MSI2: variants seen among roughly 807,000 people sequenced by gnomAD.
The protein encoded by MSI2 is RNA-binding protein Musashi homolog 2.
MSI2 carries 17 observed loss-of-function variants against 45.6 expected under a neutral mutation model. The ratio of observed to expected loss-of-function variants is 0.37; its 90% CI spans 0.26 to 0.56. The LOEUF (loss-of-function observed/expected upper bound fraction) is 0.56. Ranked by LOEUF, MSI2 falls within the 20% of genes least tolerant of loss-of-function variation. The probability of loss-of-function intolerance (pLI) is 0.77; values close to 1 mark genes in which losing one functional copy is unlikely to be tolerated. For synonymous variants in MSI2, 156 were observed against 158.2 expected (o/e 0.99, Z 0.11); for missense variants, 293 against 444.2 (o/e 0.66, Z 3.06).
intron 8 of MSI2, among the ~76,000 whole-genome samples, chr17:57,609,461 G>A (rs191620529): frequency 5.9e-5 from 9 of 152,296 alleles, no homozygotes; most frequent in African/African-American, 2.2e-4. Context: ...TCTCAGACAC[G>A]ACCTGTTTGG....
At position 57,681,591 on chromosome 17, in the gene MSI2, C is replaced by A. The variant is rs1259855448; in HGVS notation, c.*2074C>A. On this transcript the variant is annotated 3_prime_UTR_variant, in exon 14 of 14. Coordinates refer to ENST00000284073, the MANE Select transcript of MSI2 (RefSeq NM_138962.4). ...TGCTAACTCAGAAAGAAAGAAAAAACCCGTTTTCAATTCTAATGAAACAGC... is the reference window on the plus strand; with the variant it reads ...TGCTAACTCAGAAAGAAAGAAAAAAACCGTTTTCAATTCTAATGAAACAGC... 5.4e-6 allele frequency: 1 copy of A among 183,778 alleles called. No homozygotes were observed. Among genetic ancestry groups the A allele is most frequent in the Non-Finnish European group, 1.2e-5 (1 of 86,852 alleles). 11.4% of individuals were successfully genotyped at this position (183,778 alleles called of 1,614,324 possible).
At chr17:57,477,422 G>T (rs1950206146) in intron 6 of MSI2, among the ~76,000 whole-genome samples, 1 of 152,092 alleles carries the variant, frequency 6.6e-6, no homozygotes, top group South Asian at 2.1e-4. Flanking sequence ...TCCTTTTGAC[G>T]CCCTGCGCTG....
intron 6 of MSI2, among the ~76,000 whole-genome samples, chr17:57,527,443 G>A (rs960601035): frequency 1.4e-5 from 2 of 141,018 alleles, no homozygotes; most frequent in Non-Finnish European, 3.1e-5. Flanking sequence ...TGTTGTGTGT[G>A]TGGCCCCAGC....
chr17:57,390,300 C>T (rs569649549), intron 5 of MSI2, among the ~76,000 whole-genome samples: 108 of 152,098 alleles, frequency 7.1e-4, no homozygotes, highest in Admixed American at 3.7e-3. Flanking sequence ...CCATTTTTCC[C>T]GTTAGATGGC....
intron 6 of MSI2, among the ~76,000 whole-genome samples, chr17:57,524,602 T>A (rs985277857): frequency 2.0e-5 from 3 of 152,270 alleles, no homozygotes; most frequent in African/African-American, 7.2e-5. Flanking sequence ...TATGTCATCC[T>A]AGTAGAATCT....
chr17:57,583,789 A>T (rs1183316309), intron 7 of MSI2, among the ~76,000 whole-genome samples: 1 of 151,976 alleles, frequency 6.6e-6, no homozygotes, highest in Non-Finnish European at 1.5e-5. Context: ...AAGTTTCTTA[A>T]CCCTAACTGA....
At chr17:57,380,082 G>A (rs552639217) in intron 5 of MSI2, among the ~76,000 whole-genome samples, 5 of 152,294 alleles carry the variant, frequency 3.3e-5, no homozygotes, top group African/African-American at 1.2e-4. Flanking sequence ...CAGAGGTGCC[G>A]TGCTAGGGGG....
chr17:57,686,661 A>G (rs969277979), downstream of MSI2, among the ~76,000 whole-genome samples: 2 of 152,208 alleles, frequency 1.3e-5, no homozygotes, highest in Non-Finnish European at 2.9e-5. Context: ...CTCCACAGCA[A>G]TATTATGTCA....
chr17:57,612,554 CT>C lies in MSI2; in HGVS notation c.538-3414del, dbSNP rs1235979840. Among the ~76,000 whole-genome samples, 4 of 152,138 alleles carry C rather than the reference CT, an allele frequency of 2.6e-5. 1 individual carries two copies. The highest frequency in any genetic ancestry group is 2.1e-4 in the South Asian group (1 of 4,808). ...GAGTGTATGCGCCATGGCCCCTGGC[CT>C]TGGGGAACACTCACCGTTGACCCAG... On this transcript the variant is annotated intron_variant, in intron 8 of 13. Coordinates refer to ENST00000284073, the MANE Select transcript of MSI2 (RefSeq NM_138962.4).
At chr17:57,654,311 A>G (rs1029592732) in intron 11 of MSI2, among the ~76,000 whole-genome samples, 2 of 152,132 alleles carry the variant, frequency 1.3e-5, no homozygotes, top group Non-Finnish European at 2.9e-5. Context: ...TAGCCAGGCT[A>G]CCCTAGTTCC....
intron 6 of MSI2, among the ~76,000 whole-genome samples, chr17:57,421,316 C>T (rs767019065): frequency 2.6e-5 from 4 of 152,160 alleles, no homozygotes; most frequent in Admixed American, 6.5e-5. Context: ...ATTACTTTGA[C>T]GGAGTATCTC....
rs760374343 is a variant in MSI2 at position 57,257,470 on chromosome 17, C to T, written c.108C>T (p.Ser36=). 4 of 1,471,708 alleles carry T rather than the reference C, an allele frequency of 2.7e-6. No homozygotes were observed. In the East Asian group the frequency reaches 9.1e-5, roughly 34 times the overall value. 91.2% of individuals were successfully genotyped at this position (1,471,708 alleles called of 1,614,324 possible). ...TCTCTCTTTCTCTCTCTACAGATAGCCTTAGAGACTATTTTAGCAAATTTG... is the reference window on the plus strand; with the variant it reads ...TCTCTCTTTCTCTCTCTACAGATAGTCTTAGAGACTATTTTAGCAAATTTG... ...GGLSWQTSPD[S]LRDYFSKFGE... is the part of the protein sequence containing the mutation. Residue 36 remains serine, a synonymous_variant, in exon 3 of 14, where the codon AGC becomes AGT. Coordinates refer to ENST00000284073, the MANE Select transcript of MSI2 (RefSeq NM_138962.4).
chr17:57,486,049 C>T (rs1355382834), intron 6 of MSI2, among the ~76,000 whole-genome samples: 1 of 152,222 alleles, frequency 6.6e-6, no homozygotes, highest in East Asian at 1.9e-4. Flanking sequence ...CCCTCAGTCA[C>T]CTCCCAAGGA....
chr17:57,598,283 G>T (rs73994444), intron 8 of MSI2, among the ~76,000 whole-genome samples: 3 of 152,050 alleles, frequency 2.0e-5, no homozygotes, highest in Non-Finnish European at 4.4e-5. Context: ...TAAAACATGC[G>T]TTCAGACATG....
intron 6 of MSI2, among the ~76,000 whole-genome samples, chr17:57,528,698 C>A (rs1262837687): frequency 6.6e-6 from 1 of 152,142 alleles, no homozygotes; most frequent in Non-Finnish European, 1.5e-5. Flanking sequence ...ACATGGTCTT[C>A]CCTGTTTGTG....
At chr17:57,355,947 C>G (rs1916381660) in intron 5 of MSI2, among the ~76,000 whole-genome samples, 1 of 152,196 alleles carries the variant, frequency 6.6e-6, no homozygotes, top group African/African-American at 2.4e-5. Flanking sequence ...ATCTCAGCTC[C>G]CTGCAACCTC....
chr17:57,563,747 C>CACACAT (rs2087654894), intron 7 of MSI2, among the ~76,000 whole-genome samples: 2 of 45,346 alleles, frequency 4.4e-5, no homozygotes, highest in African/African-American at 3.3e-4. Flanking sequence ...CACAGGCGCG[C>CACACAT]ACACACACAC....
intron 6 of MSI2, among the ~76,000 whole-genome samples, chr17:57,409,503 T>C (rs2084147261): frequency 6.6e-6 from 1 of 152,214 alleles, no homozygotes; most frequent in African/African-American, 2.4e-5. Context: ...TTCCTCCATT[T>C]TGTGTTGTCT....
intron 5 of MSI2, among the ~76,000 whole-genome samples, chr17:57,384,280 A>G (rs2083647657): frequency 6.6e-6 from 1 of 152,164 alleles, no homozygotes; most frequent in Admixed American, 6.5e-5. Flanking sequence ...CTTGAAATCA[A>G]GGGGAGACAT....
Sources: allele counts gnomAD v4.1 joint callset (sites outside exome capture counted in the v4.1 genomes callset), GRCh38; gene constraint gnomAD v4.1.1; transcripts MANE v1.5; gene names NCBI Gene and HGNC (gene_info 2026-07-23, HGNC 2026-07-21).